GRID2: variants seen among roughly 807,000 people sequenced by gnomAD.
GRID2 encodes glutamate ionotropic receptor delta type subunit 2.
A neutral mutation model predicts 114.8 loss-of-function variants in GRID2; 33 were observed. The observed-to-expected ratio is 0.29, with a 90% CI of 0.22 to 0.38. The LOEUF (loss-of-function observed/expected upper bound fraction) is 0.38, where lower values mean the gene tolerates loss of function less well. Among genes scored for constraint, GRID2 ranks in the 10% least tolerant of loss-of-function variants. The pLI is 1.00. For synonymous variants in GRID2, 505 were observed against 449.9 expected (o/e 1.12, Z -1.55); for missense variants, 1,184 against 1,257.7 (o/e 0.94, Z 0.89).
chr4:92,602,721 A>G (rs1729276118), intron 2 of GRID2, among the ~76,000 whole-genome samples: 1 of 152,208 alleles, frequency 6.6e-6, no homozygotes, highest in East Asian at 1.9e-4. Flanking sequence ...AGGCAAGGGA[A>G]AGAAATAAAG....
At chr4:92,867,583 T>A (rs1246448976) in intron 2 of GRID2, among the ~76,000 whole-genome samples, 1 of 73,080 alleles carries the variant, frequency 1.4e-5, no homozygotes, top group Non-Finnish European at 2.5e-5. Context: ...TGTACTATTA[T>A]TTTTTTTTTT....
chr4:93,805,814 C>T (rs763130903), intron 1 of GRID2, among the ~76,000 whole-genome samples: 7 of 152,170 alleles, frequency 4.6e-5, no homozygotes, highest in Non-Finnish European at 1.0e-4. Flanking sequence ...AGCATATATT[C>T]GGCCGAGTGT....
At chr4:93,598,672 AC>A (rs760874329) in intron 13 of GRID2, among the ~76,000 whole-genome samples, 27 of 152,208 alleles carry the variant, frequency 1.8e-4, no homozygotes, top group Non-Finnish European at 3.8e-4. Context: ...TTTTGTATTT[AC>A]AGATTTTGTA....
At chr4:92,625,097 C>A (rs1240744662) in intron 2 of GRID2, among the ~76,000 whole-genome samples, 1 of 151,492 alleles carries the variant, frequency 6.6e-6, no homozygotes, top group Non-Finnish European at 1.5e-5. Flanking sequence ...AATGTTCCTG[C>A]CATCATTTAG....
At chr4:93,676,857 G>C (rs1026004938) in intron 14 of GRID2, among the ~76,000 whole-genome samples, 5 of 151,950 alleles carry the variant, frequency 3.3e-5, no homozygotes, top group African/African-American at 1.2e-4. Context: ...CGATGCAGAA[G>C]ACGGGTGATT....
chr4:92,839,569 C>T (rs1417789233), intron 2 of GRID2, among the ~76,000 whole-genome samples: 1 of 151,532 alleles, frequency 6.6e-6, no homozygotes, highest in Non-Finnish European at 1.5e-5. Flanking sequence ...TTTTAAATTT[C>T]TTCTTCAATC....
rs531273949 is a variant in GRID2 at position 93,393,469 on chromosome 4, G to A, written c.1246-2138G>A. On this transcript the variant is annotated intron_variant, in intron 8 of 15. Transcript: ENST00000282020. ...ATATTAAACATTTTTAAAATGAAAAGAAATATTATACATGGTATGAATAAT... is the reference window on the plus strand; with the variant it reads ...ATATTAAACATTTTTAAAATGAAAAAAAATATTATACATGGTATGAATAAT... 1.9e-3 allele frequency among the ~76,000 whole-genome samples: 283 copies of A among 152,006 alleles called. 4 individuals are homozygous for A. The highest frequency in any genetic ancestry group is 7.7e-4 in the East Asian group (4 of 5,170).
intron 8 of GRID2, among the ~76,000 whole-genome samples, chr4:93,382,974 C>T (rs538505273): frequency 3.3e-5 from 5 of 152,048 alleles, no homozygotes; most frequent in African/African-American, 1.2e-4. Flanking sequence ...CTGAGATGTA[C>T]GTAAATTTAA....
intron 4 of GRID2, among the ~76,000 whole-genome samples, chr4:93,123,683 G>A (rs951980276): frequency 2.6e-5 from 4 of 152,064 alleles, no homozygotes; most frequent in African/African-American, 9.7e-5. Context: ...AAACAAAGTT[G>A]CTACCTGAAA....
At chr4:92,496,885 T>A (rs1244565519) in intron 1 of GRID2, among the ~76,000 whole-genome samples, 1 of 151,720 alleles carries the variant, frequency 6.6e-6, no homozygotes, top group African/African-American at 2.4e-5. Flanking sequence ...AAAAATTACT[T>A]AATTTATACA....
chr4:93,288,069 A>G (rs1247832580), intron 8 of GRID2, among the ~76,000 whole-genome samples: 1 of 152,200 alleles, frequency 6.6e-6, no homozygotes, highest in East Asian at 1.9e-4. Flanking sequence ...ATTTATTTTT[A>G]AGATTTGTGT....
In GRID2 at chr4:92,802,864, C is replaced by A. The variant is rs186236412; in HGVS notation, c.244+212578C>A. On this transcript the variant is annotated intron_variant, in intron 2 of 15. Coordinates refer to ENST00000282020, the MANE Select transcript of GRID2 (RefSeq NM_001510.4). Reference sequence around the variant, plus strand: ...AATGGGAGGAGGTTAGGGATAGAGCCTTAGAATAAGTCTGAACCACTAGGA... The same window carrying A: ...AATGGGAGGAGGTTAGGGATAGAGCATTAGAATAAGTCTGAACCACTAGGA... Among the ~76,000 whole-genome samples the A allele has an allele frequency of 1.4e-4, 22 of 152,032 alleles. 1 individual carries two copies. Among genetic ancestry groups the A allele is most frequent in the African/African-American group, 5.3e-4 (22 of 41,524 alleles).
At chr4:93,305,790 C>G (rs1009723046) in intron 8 of GRID2, among the ~76,000 whole-genome samples, 7 of 152,176 alleles carry the variant, frequency 4.6e-5, no homozygotes, top group Non-Finnish European at 1.0e-4. Flanking sequence ...TTTATTGCCT[C>G]TTGCCTGGAT....
intron 2 of GRID2, among the ~76,000 whole-genome samples, chr4:92,952,909 C>G (rs773236470): frequency 1.8e-4 from 27 of 152,164 alleles, no homozygotes; most frequent in South Asian, 6.2e-4. Context: ...ACGGAGTCAG[C>G]AGAGGTATGC....
rs542533645 is a variant in GRID2, at chr4:93,030,868, G to T, written c.245-54127G>T. On this transcript the variant is annotated intron_variant, in intron 2 of 15. Coordinates refer to ENST00000282020, the MANE Select transcript of GRID2 (RefSeq NM_001510.4). ...AGTGGTGAGAAAAAAAGAGAGGAAA[G>T]GAATGGGAAAGAGAGAAGAGGAAGA... Among the ~76,000 whole-genome samples the T allele has an allele frequency of 2.0e-5, 3 of 151,834 alleles. No homozygotes were observed. The East Asian group carries it at 5.8e-4, about 29-fold the overall frequency.
At chr4:92,407,254 G>C (rs1731074878) in intron 1 of GRID2, among the ~76,000 whole-genome samples, 1 of 152,050 alleles carries the variant, frequency 6.6e-6, no homozygotes, top group Non-Finnish European at 1.5e-5. Context: ...TATTTGGATG[G>C]GGAGACAGAG....
rs1298928038 is a variant in GRID2, at chr4:93,360,996, A to C, written c.1246-34611A>C. ...CAAATGTACTTTTATAACATTTTGC[A>C]TATTGAATAATTTTTCTCCAAATTC... On this transcript the variant is annotated intron_variant, in intron 8 of 15. Coordinates refer to ENST00000282020, the MANE Select transcript of GRID2 (RefSeq NM_001510.4). Among the ~76,000 whole-genome samples the C allele has an allele frequency of 2.0e-5, 3 of 151,986 alleles. No individual in the cohort carries two copies. The East Asian group carries it at 5.8e-4, about 29-fold the overall frequency.
chr4:92,941,369 G>C (rs1434792096), intron 2 of GRID2, among the ~76,000 whole-genome samples: 1 of 152,120 alleles, frequency 6.6e-6, no homozygotes, highest in African/African-American at 2.4e-5. Flanking sequence ...GGTGTTTATA[G>C]TATTCTCTGA....
At position 93,433,203 on chromosome 4, in the gene GRID2, A is replaced by T. The variant is rs114621925; in HGVS notation, c.1545+10235A>T. ...AAAACTGCTTTAGAAAATAATATCTATCTGAATCATGACCCAAAATGATTG... is the reference window on the plus strand; with the variant it reads ...AAAACTGCTTTAGAAAATAATATCTTTCTGAATCATGACCCAAAATGATTG... On this transcript the variant is annotated intron_variant, in intron 10 of 15. Coordinates refer to ENST00000282020, the MANE Select transcript of GRID2 (RefSeq NM_001510.4). Among the ~76,000 whole-genome samples, 1,132 of 152,328 alleles carry T rather than the reference A, an allele frequency of 7.4e-3. 12 individuals carry two copies. Among genetic ancestry groups the T allele is most frequent in the African/African-American group, 0.026 (1,062 of 41,584 alleles).
Sources: gnomAD v4.1 joint callset for allele counts (sites outside exome capture counted in the v4.1 genomes callset) on GRCh38, gnomAD v4.1.1 for gene constraint, MANE v1.5 for transcripts, NCBI Gene and HGNC (gene_info 2026-07-23, HGNC 2026-07-21) for gene names.